AFF3: variants seen among roughly 807,000 people sequenced by gnomAD.
The protein encoded by AFF3 is AF4/FMR2 family member 3.
In AFF3, 32 loss-of-function variants were observed where a neutral mutation model predicts 129.7. The ratio of observed to expected loss-of-function variants is 0.25; its 90% confidence interval spans 0.19 to 0.33. AFF3 has a LOEUF of 0.33. AFF3 is among the 10% of genes least tolerant of loss of function. AFF3 has a pLI of 1.00. For synonymous variants in AFF3, 644 were observed against 635.4 expected (o/e 1.01, Z -0.20); for missense variants, 1,373 against 1,592.0 (o/e 0.86, Z 2.34).
chr2:99,975,479 T>C (rs867164659), intron 7 of AFF3, among the ~76,000 whole-genome samples: 9 of 152,214 alleles, frequency 5.9e-5, no homozygotes, highest in Non-Finnish European at 1.2e-4. Flanking sequence ...GAAATACATA[T>C]GTAAACTTGA....
chr2:99,931,804 G>C (rs1696690417), intron 7 of AFF3, among the ~76,000 whole-genome samples: 1 of 152,150 alleles, frequency 6.6e-6, no homozygotes, highest in African/African-American at 2.4e-5. Flanking sequence ...AGCTACTAAA[G>C]AGGCTGAGGC....
In AFF3 at chr2:99,593,517, C is replaced by G; in HGVS notation, c.2144G>C (p.Gly715Ala). The change falls in exon 15 of 25, where the codon GGG becomes GCG. Residue 715 changes from glycine to alanine, a missense_variant. Gly to Ala is a moderately conservative substitution (Grantham distance 60). Transcript: ENST00000672756. Reference protein sequence around the residue: ...DQRLKEAAANGGSGPRAPVGS... With the variant: ...DQRLKEAAANAGSGPRAPVGS... ...TACAGGGGCCCTAGGACCACTGCCC[C>G]CGTTGGCAGCGGCCTCCTTCAGCCT... 6.2e-7 allele frequency: 1 copy of G among 1,613,216 alleles called. No individual in the cohort carries two copies. The highest frequency in any genetic ancestry group is 8.5e-7 in the Non-Finnish European group (1 of 1,179,752).
chr2:99,620,726 A>G (rs759824077), intron 13 of AFF3, among the ~76,000 whole-genome samples: 3 of 152,188 alleles, frequency 2.0e-5, no homozygotes, highest in Non-Finnish European at 2.9e-5. Context: ...GGTGGGGCCT[A>G]GTGGGAGGTG....
In AFF3 at chr2:99,952,897, A is replaced by G. The variant is rs13382489; in HGVS notation, c.873+53735T>C. On this transcript the variant is annotated intron_variant, in intron 7 of 24. Transcript: ENST00000672756. ...GTGACCACAGGTGAGTTGTTGAATC[A>G]TCCTGTGTTTCAGTTTCCTTACCTG... 4.8e-3 allele frequency among the ~76,000 whole-genome samples: 733 copies of G among 152,308 alleles called. 4 individuals are homozygous for G. The highest frequency in any genetic ancestry group is 0.017 in the African/African-American group (701 of 41,554).
chr2:99,994,910 A>C (rs1206561764), intron 7 of AFF3, among the ~76,000 whole-genome samples: 1 of 152,232 alleles, frequency 6.6e-6, no homozygotes, highest in Non-Finnish European at 1.5e-5. Flanking sequence ...AAATTATTAG[A>C]GCTGGAGTAC....
At chr2:99,858,272 G>A (rs948899757) in intron 7 of AFF3, among the ~76,000 whole-genome samples, 1 of 151,910 alleles carries the variant, frequency 6.6e-6, no homozygotes, top group African/African-American at 2.4e-5. Context: ...TTGGCAGGGC[G>A]TGGTGGCTCA....
At chr2:99,636,159 T>C (rs1344046255) in intron 13 of AFF3, among the ~76,000 whole-genome samples, 1 of 152,242 alleles carries the variant, frequency 6.6e-6, no homozygotes, top group African/African-American at 2.4e-5. Context: ...TCTTGGCTTC[T>C]TAGCACCAGC....
At chr2:99,971,467 T>C (rs1482036245) in intron 7 of AFF3, among the ~76,000 whole-genome samples, 1 of 152,196 alleles carries the variant, frequency 6.6e-6, no homozygotes, top group Non-Finnish European at 1.5e-5. Flanking sequence ...ATATAACCTT[T>C]TCTCTCCAGC....
intron 4 of AFF3, among the ~76,000 whole-genome samples, chr2:100,042,681 AATT>A (rs1432589954): frequency 6.6e-6 from 1 of 152,208 alleles, no homozygotes; most frequent in Non-Finnish European, 1.5e-5. Flanking sequence ...AACGTGAATA[AATT>A]ATTAAGTCAA....
intron 4 of AFF3, among the ~76,000 whole-genome samples, chr2:100,020,247 T>G (rs1486862213): frequency 3.3e-5 from 5 of 152,022 alleles, no homozygotes; most frequent in Non-Finnish European, 7.4e-5. Flanking sequence ...GGCCCTCTGG[T>G]ACCATGAGAT....
chr2:99,909,422 G>A (rs1310478184), intron 7 of AFF3, among the ~76,000 whole-genome samples: 1 of 131,248 alleles, frequency 7.6e-6, no homozygotes, highest in African/African-American at 2.9e-5. Flanking sequence ...GGGAGGGATA[G>A]CATTAGGAGA....
At chr2:100,001,676 T>C (rs1559046452) in intron 7 of AFF3, among the ~76,000 whole-genome samples, 1 of 150,262 alleles carries the variant, frequency 6.7e-6, no homozygotes, top group Non-Finnish European at 1.5e-5. Flanking sequence ...TCCACCCGCC[T>C]TGGCCTCCCA....
intron 4 of AFF3, among the ~76,000 whole-genome samples, chr2:100,081,083 A>C (rs1047345501): frequency 5.3e-5 from 8 of 152,032 alleles, no homozygotes; most frequent in Non-Finnish European, 7.4e-5. Flanking sequence ...CCAAGCCCAC[A>C]GTCCACAAGT....
chr2:99,554,532 C>T lies in AFF3; in HGVS notation c.3338G>A (p.Ser1113Asn). ...AGACATGGGGGATGGGGTTCCAGTG[C>T]TCCTGGAAGGGGAGAGGTAGAAAAA... ...APSPWGASGK[S>N]TGTPSPMSPN... Residue 1113 changes from serine to asparagine, a missense_variant and splice_region_variant, in exon 24 of 25, where the codon AGC (serine) becomes AAC (asparagine). Transcript: ENST00000672756. 6.2e-7 allele frequency: 1 copy of T among 1,612,186 alleles called. No homozygotes were observed. Among genetic ancestry groups the T allele is most frequent in the South Asian group, 1.1e-5 (1 of 91,008 alleles).
At chr2:99,842,720 T>C (rs1354677966) in intron 7 of AFF3, among the ~76,000 whole-genome samples, 1 of 152,178 alleles carries the variant, frequency 6.6e-6, no homozygotes, top group Non-Finnish European at 1.5e-5. Context: ...TACAGAACTA[T>C]GCTGTGGGTA....
intron 15 of AFF3, among the ~76,000 whole-genome samples, chr2:99,589,999 T>C (rs1220333681): frequency 6.6e-6 from 1 of 152,236 alleles, no homozygotes; most frequent in Non-Finnish European, 1.5e-5. Flanking sequence ...TCAAGGGCTC[T>C]GTCTGCCCTT....
chr2:100,063,223 C>T (rs1204954911), intron 4 of AFF3, among the ~76,000 whole-genome samples: 1 of 137,872 alleles, frequency 7.3e-6, no homozygotes, highest in East Asian at 2.2e-4. Context: ...TGCATTCCAG[C>T]CTGGGCAACA....
At chr2:100,127,928 G>A (rs572455302) in intron 2 of AFF3, among the ~76,000 whole-genome samples, 1 of 152,282 alleles carries the variant, frequency 6.6e-6, no homozygotes, top group South Asian at 2.1e-4. Flanking sequence ...GTCAGCACAA[G>A]ATACAGGTCC....
At chr2:99,695,475 C>T (rs892567410) in intron 11 of AFF3, among the ~76,000 whole-genome samples, 3 of 152,076 alleles carry the variant, frequency 2.0e-5, no homozygotes, top group Admixed American at 1.3e-4. Context: ...TCTTTTTAGT[C>T]GGGTCTCTTG....
Sources: gnomAD v4.1 joint callset for allele counts (sites outside exome capture counted in the v4.1 genomes callset) on GRCh38, gnomAD v4.1.1 for gene constraint, MANE v1.5 for transcripts, NCBI Gene and HGNC (gene_info 2026-07-23, HGNC 2026-07-21) for gene names.